Variants in TRPM3 observed in about 807,000 individuals in gnomAD.
TRPM3 encodes the protein long transient receptor potential channel 3.
TRPM3 carries 77 observed loss-of-function variants against 181.2 expected under a neutral mutation model. The ratio of observed to expected loss-of-function variants is 0.42; its 90% confidence interval spans 0.35 to 0.51. The LOEUF is 0.51. TRPM3 is among the 20% of genes least tolerant of loss of function. The probability of loss-of-function intolerance (pLI) is 0.01; values close to 1 mark genes in which losing one functional copy is unlikely to be tolerated. For missense variants in TRPM3, 1,759 were observed against 2,196.7 expected (o/e 0.80, Z 3.98); for synonymous variants, 745 against 796.4 (o/e 0.94, Z 1.09).
intron 7 of TRPM3, chr9:70,776,561 A>G: frequency 1.6e-6 from 1 of 639,234 alleles, no homozygotes; most frequent in Non-Finnish European, 2.8e-6. Flanking sequence ...CCATGTAAAT[A>G]AAAATACTAA....
At chr9:71,250,663 G>A (rs962546779) in intron 1 of TRPM3, among the ~76,000 whole-genome samples, 2 of 152,190 alleles carry the variant, frequency 1.3e-5, no homozygotes, top group Non-Finnish European at 2.9e-5. Context: ...TGTGAACAAA[G>A]GTCGAGGGAA....
intron 1 of TRPM3, among the ~76,000 whole-genome samples, chr9:71,413,666 G>C (rs994951110): frequency 1.3e-5 from 2 of 152,010 alleles, no homozygotes; most frequent in Non-Finnish European, 2.9e-5. Context: ...CCTCACTAAT[G>C]GATTAATGCC....
chr9:71,264,731 G>C (rs2083274973), intron 1 of TRPM3, among the ~76,000 whole-genome samples: 1 of 152,150 alleles, frequency 6.6e-6, no homozygotes, highest in Non-Finnish European at 1.5e-5. Flanking sequence ...GATTCTGAGT[G>C]AGAATCTAGA....
intron 1 of TRPM3, among the ~76,000 whole-genome samples, chr9:71,191,661 C>T (rs10868970): frequency 3.3e-5 from 5 of 151,618 alleles, no homozygotes; most frequent in African/African-American, 1.2e-4. Context: ...AAGATAAAAA[C>T]CATTTTTAAG....
At chr9:71,171,000 T>C (rs370703933) in intron 1 of TRPM3, among the ~76,000 whole-genome samples, 2 of 150,314 alleles carry the variant, frequency 1.3e-5, no homozygotes, top group South Asian at 2.2e-4. Flanking sequence ...AGAAAGAGAA[T>C]ATGCGCCTGG....
chr9:70,627,979 A>T (rs2064978567), intron 12 of TRPM3, among the ~76,000 whole-genome samples: 2 of 152,186 alleles, frequency 1.3e-5, no homozygotes, highest in South Asian at 4.1e-4. Context: ...AAAAAATATT[A>T]AAAAGGGAGC....
intron 1 of TRPM3, among the ~76,000 whole-genome samples, chr9:70,985,912 AAAAT>A (rs1429655404): frequency 6.6e-6 from 1 of 152,222 alleles, no homozygotes; most frequent in Non-Finnish European, 1.5e-5. Context: ...ATTTAAAACA[AAAAT>A]AAAGTCAACA....
At chr9:71,065,412 T>A (rs192711110) in intron 1 of TRPM3, among the ~76,000 whole-genome samples, 14 of 152,070 alleles carry the variant, frequency 9.2e-5, no homozygotes, top group Non-Finnish European at 1.9e-4. Flanking sequence ...CTTTAATGAG[T>A]GAATCAATGA....
intron 22 of TRPM3, among the ~76,000 whole-genome samples, chr9:70,564,000 G>T (rs927218111): frequency 1.3e-5 from 2 of 152,064 alleles, no homozygotes; most frequent in Non-Finnish European, 2.9e-5. Flanking sequence ...ATTTTTCTCT[G>T]GTTGAGAACA....
At chr9:70,987,199 T>A (rs2097430499) in intron 1 of TRPM3, among the ~76,000 whole-genome samples, 2 of 152,022 alleles carry the variant, frequency 1.3e-5, no homozygotes, top group Admixed American at 6.6e-5. Flanking sequence ...TAACAACTGA[T>A]GACAACAAAA....
chr9:70,809,945 T>A (rs2131381807), intron 6 of TRPM3: 1 of 534,566 alleles, frequency 1.9e-6, no homozygotes, highest in South Asian at 1.4e-5. Flanking sequence ...TCCCAATGCA[T>A]TTGATGATGG....
At chr9:70,601,948 G>A (rs1406498567) in intron 20 of TRPM3, among the ~76,000 whole-genome samples, 1 of 152,068 alleles carries the variant, frequency 6.6e-6, no homozygotes, top group Non-Finnish European at 1.5e-5. Flanking sequence ...CAGCAGGAGC[G>A]GGCCTCAGTT....
At chr9:71,225,083 C>T (rs546853231) in intron 1 of TRPM3, among the ~76,000 whole-genome samples, 1 of 152,096 alleles carries the variant, frequency 6.6e-6, no homozygotes, top group African/African-American at 2.4e-5. Context: ...CTATAGAAGG[C>T]TACCAATATT....
At chr9:70,742,303 AT>A (rs1189866173) in intron 8 of TRPM3, among the ~76,000 whole-genome samples, 2 of 151,992 alleles carry the variant, frequency 1.3e-5, no homozygotes, top group African/African-American at 4.8e-5. Context: ...TACAATGAAA[AT>A]TTTTTTAAAA....
chr9:70,883,745 TAGA>T (rs2096037556), intron 1 of TRPM3, among the ~76,000 whole-genome samples: 1 of 152,210 alleles, frequency 6.6e-6, no homozygotes, highest in East Asian at 1.9e-4. Context: ...AGCCCTATGG[TAGA>T]AGAAGCTGAC....
At chr9:70,741,378 G>A (rs1411940209) in intron 8 of TRPM3, among the ~76,000 whole-genome samples, 1 of 152,170 alleles carries the variant, frequency 6.6e-6, no homozygotes, top group Admixed American at 6.5e-5. Flanking sequence ...TGGTGGGAAT[G>A]TAATCTAGTA....
At chr9:71,278,423 C>A (rs2084393580) in intron 1 of TRPM3, among the ~76,000 whole-genome samples, 1 of 152,170 alleles carries the variant, frequency 6.6e-6, no homozygotes, top group Non-Finnish European at 1.5e-5. Flanking sequence ...ACCACAGTAC[C>A]AGTATCAGAA....
intron 1 of TRPM3, among the ~76,000 whole-genome samples, chr9:71,024,382 A>T (rs1212318666): frequency 6.6e-6 from 1 of 152,100 alleles, no homozygotes; most frequent in African/African-American, 2.4e-5. Flanking sequence ...AGAGAAGGAG[A>T]AGTAGTACTG....
chr9:71,436,152 C>T (rs2094031266), intron 1 of TRPM3, among the ~76,000 whole-genome samples: 1 of 152,104 alleles, frequency 6.6e-6, no homozygotes, highest in Admixed American at 6.5e-5. Context: ...TCTGCTTTTG[C>T]TTCTTCCTCA....
Sources: gnomAD v4.1 joint callset for allele counts (sites outside exome capture counted in the v4.1 genomes callset) on GRCh38, gnomAD v4.1.1 for gene constraint, MANE v1.5 for transcripts, NCBI Gene and HGNC (gene_info 2026-07-23, HGNC 2026-07-21) for gene names.